The following ZFP90 variants were observed in gnomAD, a reference collection of about 807,000 sequenced individuals.
ZFP90 encodes ZFP90 zinc finger protein.
In ZFP90, 38 loss-of-function variants were observed where a neutral mutation model predicts 60.8. The ratio of observed to expected loss-of-function variants is 0.62; its 90% CI spans 0.48 to 0.82. The LOEUF (loss-of-function observed/expected upper bound fraction) is 0.82. ZFP90 is among the 40% of genes least tolerant of loss of function. The pLI, the probability that ZFP90 is intolerant of heterozygous loss-of-function variation, is 0.00. For synonymous variants in ZFP90, 287 were observed against 264.8 expected, an observed-to-expected ratio of 1.08 and a Z score of -0.82; for missense variants, 711 against 759.1, an observed-to-expected ratio of 0.94 and a Z score of 0.74.
chr16:68,534,150 A>T (rs189503683), intron 2 of ZFP90, among the ~76,000 whole-genome samples: 7 of 150,652 alleles, frequency 4.6e-5, no homozygotes, highest in African/African-American at 1.7e-4. Flanking sequence ...TCGACCTTCT[A>T]TTCACTAATT....
At chr16:68,546,262 A>C (rs2091148038) in intron 2 of ZFP90, among the ~76,000 whole-genome samples, 1 of 152,218 alleles carries the variant, frequency 6.6e-6, no homozygotes, top group South Asian at 2.1e-4. Context: ...AGTTTTTATA[A>C]ATTTTGATAA....
At position 68,564,697 on chromosome 16, in the gene ZFP90, A is replaced by G; in HGVS notation, c.1910A>G (p.Ter637TrpextTer3). ...HQRIHTRNKL* is the reference protein window; with the variant it reads ...HQRIHTRNKLW ...AGAATTCATACTCGAAATAAACTCT[A>G]GGAACCGTGAAATTAAGGAATTTGC... The change falls in exon 5 of 5, where the codon TAG (stop) becomes TGG (tryptophan). Residue 637 changes from the stop codon to tryptophan, a stop_lost. Transcript: ENST00000563169. 1 of 1,589,534 alleles carries G rather than the reference A, an allele frequency of 6.3e-7. No individual in the cohort carries two copies. Among genetic ancestry groups the G allele is most frequent in the Non-Finnish European group, 8.5e-7 (1 of 1,171,256 alleles).
intron 4 of ZFP90, chr16:68,562,198 T>C (rs565149279): frequency 1.3e-5 from 2 of 152,372 alleles, no homozygotes; most frequent in South Asian, 4.1e-4. Context: ...ACAAGTCTTA[T>C]ATGTACCATC....
rs577030908 is a variant in ZFP90, at chr16:68,564,246, C to A, written c.1459C>A (p.Gln487Lys). 107 of 1,614,026 alleles carry A rather than the reference C, an allele frequency of 6.6e-5. 2 individuals are homozygous for A. The South Asian group carries it at 1.1e-3, about 17-fold the overall frequency. ...PYDCEQAFSQQAISHPGEKPY... is the reference protein window; with the variant it reads ...PYDCEQAFSQKAISHPGEKPY... ...TGATTGTGAGCAGGCTTTTAGTCAG[C>A]AAGCTATTTCTCATCCTGGAGAGAA... The change falls in exon 5 of 5, where the codon CAA becomes AAA. Residue 487 changes from glutamine to lysine, a missense_variant. Transcript: ENST00000563169.
At chr16:68,559,612 C>T (rs1018011883) in intron 4 of ZFP90, among the ~76,000 whole-genome samples, 26 of 152,128 alleles carry the variant, frequency 1.7e-4, no homozygotes, top group African/African-American at 4.8e-4. Context: ...CTGTCACCCA[C>T]GCTGGAGTGC....
At chr16:68,550,243 A>G (rs575863654) in intron 2 of ZFP90, among the ~76,000 whole-genome samples, 1 of 152,082 alleles carries the variant, frequency 6.6e-6, no homozygotes, top group Non-Finnish European at 1.5e-5. Context: ...AAATCTTTGA[A>G]ATTCGGTGTG....
At chr16:68,567,489 T>G (rs902085932), downstream of ZFP90, among the ~76,000 whole-genome samples, 3 of 152,194 alleles carry the variant, frequency 2.0e-5, no homozygotes, top group Admixed American at 6.5e-5. Flanking sequence ...TCAGAGTCCT[T>G]TGCCAGAATT....
Position 68,566,668 on chromosome 16 carries a change from C to G in ZFP90, c.*1970C>G, listed in dbSNP as rs1188060181. On this transcript the variant is annotated 3_prime_UTR_variant, in exon 5 of 5. Transcript: ENST00000563169. The stretch of plus-strand genomic sequence containing the variant: ...CACCATGATTAGCTCACACACAATG[C>G]CAAGGCTGTGCTTCTATTATCTGAT... 2.0e-6 allele frequency: 2 copies of G among 985,452 alleles called. No individual in the cohort carries two copies. The highest frequency in any genetic ancestry group is 3.5e-5 in the African/African-American group (2 of 57,222). 61.0% of individuals were successfully genotyped at this position (985,452 alleles called of 1,614,324 possible).
chr16:68,570,108 G>A (rs2152078244), downstream of ZFP90, among the ~76,000 whole-genome samples: 1 of 151,658 alleles, frequency 6.6e-6, no homozygotes, highest in East Asian at 1.9e-4. Context: ...TCCATTTCTT[G>A]CATCACTCAA....
At chr16:68,548,832 TA>T (rs1380254506) in intron 2 of ZFP90, among the ~76,000 whole-genome samples, 4 of 152,338 alleles carry the variant, frequency 2.6e-5, no homozygotes, top group African/African-American at 9.6e-5. Flanking sequence ...AATTTCTTCT[TA>T]CTCGATTTAT....
At chr16:68,543,180 C>T (rs925170761) in intron 2 of ZFP90, among the ~76,000 whole-genome samples, 2 of 151,974 alleles carry the variant, frequency 1.3e-5, no homozygotes, top group Non-Finnish European at 2.9e-5. Flanking sequence ...GAGGGAACAG[C>T]CTAGCGGCAA....
chr16:68,574,383 C>T (rs2091583078), intron 2 of ZFP90, among the ~76,000 whole-genome samples: 1 of 151,884 alleles, frequency 6.6e-6, no homozygotes, highest in African/African-American at 2.4e-5. Flanking sequence ...TGCAGGCAGG[C>T]TAGAGGGAGA....
intron 2 of ZFP90, among the ~76,000 whole-genome samples, chr16:68,541,089 G>A (rs1252981668): frequency 1.3e-5 from 2 of 151,730 alleles, no homozygotes; most frequent in Non-Finnish European, 1.5e-5. Context: ...AGGCTGAAGT[G>A]TAGTGGCATG....
chr16:68,540,520 G>A (rs1212142124), intron 2 of ZFP90, among the ~76,000 whole-genome samples: 4 of 152,050 alleles, frequency 2.6e-5, no homozygotes, highest in Non-Finnish European at 5.9e-5. Flanking sequence ...TTCTAGAAGC[G>A]TCACAACTCT....
upstream of ZFP90, among the ~76,000 whole-genome samples, chr16:68,537,238 G>A (rs1399149516): frequency 1.3e-5 from 2 of 151,918 alleles, no homozygotes; most frequent in Non-Finnish European, 2.9e-5. Flanking sequence ...CGATTCCCCT[G>A]CTACAGCCTC....
chr16:68,548,545 C>T (rs1301838072), intron 2 of ZFP90, among the ~76,000 whole-genome samples: 1 of 136,508 alleles, frequency 7.3e-6, no homozygotes. Context: ...GGCTGGAGTG[C>T]AATGGCGCAA....
chr16:68,570,073 A>G (rs917283095), downstream of ZFP90, among the ~76,000 whole-genome samples: 3 of 151,126 alleles, frequency 2.0e-5, no homozygotes, highest in Non-Finnish European at 4.4e-5. Context: ...TGTGTGTGCT[A>G]TATCCCCCTC....
At chr16:68,559,976 C>T (rs551009314) in intron 4 of ZFP90, among the ~76,000 whole-genome samples, 4 of 152,346 alleles carry the variant, frequency 2.6e-5, no homozygotes, top group African/African-American at 4.8e-5. Context: ...TCAAGCAATC[C>T]TCTTCCCTTT....
intron 2 of ZFP90, among the ~76,000 whole-genome samples, chr16:68,552,555 A>G (rs909418966): frequency 2.0e-5 from 3 of 152,160 alleles, no homozygotes; most frequent in Non-Finnish European, 2.9e-5. Context: ...CGAGGAAGAA[A>G]GGCTGAGCGC....
Sources: allele counts gnomAD v4.1 joint callset (sites outside exome capture counted in the v4.1 genomes callset), GRCh38; gene constraint gnomAD v4.1.1; transcripts MANE v1.5; gene names NCBI Gene and HGNC (gene_info 2026-07-23, HGNC 2026-07-21).